Variants in LINGO2 observed in about 807,000 individuals in gnomAD.
LINGO2 encodes the protein leucine rich repeat and Ig domain containing 2, also known as leucine-rich repeat and immunoglobulin-like domain-containing nogo receptor-interacting protein 2.
A neutral mutation model predicts 30.6 loss-of-function variants in LINGO2; 14 were observed. The observed-to-expected ratio is 0.46, with a 90% CI of 0.30 to 0.72. LINGO2 has a LOEUF of 0.72. LINGO2 is among the 30% of genes least tolerant of loss of function. The pLI is 0.07. For missense variants in LINGO2, 729 were observed against 751.7 expected (o/e 0.97, Z 0.35); for synonymous variants, 317 against 288.5 (o/e 1.10, Z -1.00).
At chr9:28,798,212 G>C in the LINGO2 span, among the ~76,000 whole-genome samples, 1 of 151,974 alleles carries the variant, frequency 6.6e-6, no homozygotes, top group Non-Finnish European at 1.5e-5. Flanking sequence ...GGGCCAGACA[G>C]ACAATTTTCT....
chr9:28,285,125 C>T (rs1207211174), intron 4 of LINGO2, among the ~76,000 whole-genome samples: 1 of 152,158 alleles, frequency 6.6e-6, no homozygotes, highest in Non-Finnish European at 1.5e-5. Flanking sequence ...ATCTCACTTA[C>T]CTCTGGAGAC....
intron 2 of LINGO2, among the ~76,000 whole-genome samples, chr9:28,444,824 A>G (rs112767934): frequency 2.6e-4 from 40 of 152,296 alleles, no homozygotes; most frequent in African/African-American, 9.4e-4. Context: ...ACTTACTTAC[A>G]TACCCCTTGC....
chr9:28,669,298 GA>G (rs1330029244), intron 1 of LINGO2, among the ~76,000 whole-genome samples: 1 of 151,942 alleles, frequency 6.6e-6, no homozygotes, highest in East Asian at 1.9e-4. Context: ...TCCCTTTTTA[GA>G]AAACTTCTTT....
the LINGO2 span, among the ~76,000 whole-genome samples, chr9:28,973,235 A>G: frequency 2.3e-4 from 35 of 152,312 alleles, no homozygotes; most frequent in Non-Finnish European, 4.7e-4. Flanking sequence ...AAGGCATTTA[A>G]TAATCAAACT....
chr9:28,253,252 G>C (rs1822267492), intron 4 of LINGO2, among the ~76,000 whole-genome samples: 1 of 152,006 alleles, frequency 6.6e-6, no homozygotes, highest in Non-Finnish European at 1.5e-5. Context: ...GTACACTGTA[G>C]GATATTGACA....
At chr9:28,763,326 A>G in the LINGO2 span, among the ~76,000 whole-genome samples, 1 of 152,080 alleles carries the variant, frequency 6.6e-6, no homozygotes, top group Non-Finnish European at 1.5e-5. Context: ...GACTGAAATC[A>G]TACTAAGTAT....
intron 1 of LINGO2, among the ~76,000 whole-genome samples, chr9:28,520,058 T>C (rs10968635): frequency 0.4 from 60,306 of 152,054 alleles, 12,393 homozygotes; most frequent in East Asian, 0.55. Flanking sequence ...TTATCATTAT[T>C]AGCACTATGA....
intron 1 of LINGO2, among the ~76,000 whole-genome samples, chr9:28,553,695 G>C (rs1676879748): frequency 6.6e-6 from 1 of 151,736 alleles, no homozygotes. Context: ...ACACATAATT[G>C]TCAGATTCAC....
chr9:28,059,611 C>G (rs932893508), intron 4 of LINGO2, among the ~76,000 whole-genome samples: 2 of 152,106 alleles, frequency 1.3e-5, no homozygotes, highest in East Asian at 3.9e-4. Context: ...AATTCAACCA[C>G]AGACCTTTTG....
chr9:28,208,766 A>C (rs1820495438), intron 4 of LINGO2, among the ~76,000 whole-genome samples: 1 of 151,950 alleles, frequency 6.6e-6, no homozygotes, highest in Admixed American at 6.6e-5. Context: ...TAGGCATATA[A>C]TGTCTAATTT....
chr9:28,529,043 C>A (rs1436482029), intron 1 of LINGO2, among the ~76,000 whole-genome samples: 1 of 152,054 alleles, frequency 6.6e-6, no homozygotes, highest in Non-Finnish European at 1.5e-5. Context: ...AATTCTAAAG[C>A]AGAGGAATAG....
intron 2 of LINGO2, among the ~76,000 whole-genome samples, chr9:28,374,976 T>C (rs189542648): frequency 6.6e-4 from 101 of 152,152 alleles, no homozygotes; most frequent in African/African-American, 2.3e-3. Context: ...AGGACGACCC[T>C]CTTGTACAGC....
the LINGO2 span, among the ~76,000 whole-genome samples, chr9:28,891,414 T>A: frequency 6.6e-6 from 1 of 151,950 alleles, no homozygotes; most frequent in African/African-American, 2.4e-5. Context: ...AAATTGAATG[T>A]TATAGCCCTG....
chr9:27,977,042 G>GAA (rs5897259), intron 5 of LINGO2, among the ~76,000 whole-genome samples: 1 of 147,102 alleles, frequency 6.8e-6, no homozygotes. Flanking sequence ...TAGGTAAATG[G>GAA]AAAAAAAAAA....
At chr9:28,694,952 G>GT in the LINGO2 span, among the ~76,000 whole-genome samples, 15,222 of 133,280 alleles carry the variant, frequency 0.11, 1,007 homozygotes, top group East Asian at 0.21. Context: ...TATCCTGACT[G>GT]TTTTTTTTTT....
intron 4 of LINGO2, among the ~76,000 whole-genome samples, chr9:28,149,963 G>A: frequency 6.6e-6 from 1 of 151,404 alleles, no homozygotes; most frequent in African/African-American, 2.4e-5. Flanking sequence ...CTCACCGTCT[G>A]GGAAATGAGG....
At chr9:29,004,504 T>C in the LINGO2 span, among the ~76,000 whole-genome samples, 5 of 151,918 alleles carry the variant, frequency 3.3e-5, no homozygotes, top group East Asian at 9.6e-4. Context: ...CTTTGTATAG[T>C]CTACCACATA....
At chr9:29,009,520 G>A in the LINGO2 span, among the ~76,000 whole-genome samples, 4 of 152,230 alleles carry the variant, frequency 2.6e-5, no homozygotes, top group Admixed American at 6.5e-5. Flanking sequence ...ACTGCTCAAC[G>A]AAATAAAAGA....
At chr9:28,684,933 G>T in the LINGO2 span, among the ~76,000 whole-genome samples, 1 of 152,064 alleles carries the variant, frequency 6.6e-6, no homozygotes, top group Non-Finnish European at 1.5e-5. Flanking sequence ...GTCACCCAGG[G>T]AATATGCATA....
Sources: gnomAD v4.1 joint callset for allele counts (sites outside exome capture counted in the v4.1 genomes callset) on GRCh38, gnomAD v4.1.1 for gene constraint, MANE v1.5 for transcripts, NCBI Gene and HGNC (gene_info 2026-07-23, HGNC 2026-07-21) for gene names.